Variants in NRXN1 observed in about 807,000 individuals in gnomAD.
NRXN1 encodes the protein neurexin-1.
A neutral mutation model predicts 150.9 loss-of-function variants in NRXN1; 39 were observed. That is an observed-to-expected ratio of 0.26 (90% CI 0.20 to 0.34). NRXN1 has a LOEUF of 0.34. Among genes scored for constraint, NRXN1 ranks in the 10% least tolerant of loss-of-function variants. NRXN1 has a pLI of 1.00. For synonymous variants in NRXN1, 924 were observed against 757.0 expected, an observed-to-expected ratio of 1.22 and a Z score of -3.62; for missense variants, 1,815 against 1,949.9, an observed-to-expected ratio of 0.93 and a Z score of 1.30.
Position 50,834,543 on chromosome 2 carries a change from T to A in NRXN1, c.832+87326A>T, listed in dbSNP as rs1470671386. ...TAAATGATCTGACCAGTTTCATGTA[T>A]CATAATGATTTTGAATTGAGATAAG... On this transcript the variant is annotated intron_variant, in intron 5 of 22. Transcript: ENST00000401669. Among the ~76,000 whole-genome samples the A allele has an allele frequency of 3.9e-5, 6 of 152,288 alleles. No individual in the cohort carries two copies. In the South Asian group the frequency reaches 1.2e-3, roughly 32 times the overall value.
chr2:50,746,401 T>C (rs562708267), intron 5 of NRXN1, among the ~76,000 whole-genome samples: 1 of 151,800 alleles, frequency 6.6e-6, no homozygotes, highest in South Asian at 2.1e-4. Flanking sequence ...CTACAAAAAA[T>C]TTTAAAAATT....
At chr2:50,395,104 C>T (rs2081975234) in intron 17 of NRXN1, among the ~76,000 whole-genome samples, 1 of 151,978 alleles carries the variant, frequency 6.6e-6, no homozygotes. Context: ...ATTATACTCA[C>T]ATCATATTAT....
At chr2:50,763,567 T>C (rs1334702634) in intron 5 of NRXN1, among the ~76,000 whole-genome samples, 1 of 151,956 alleles carries the variant, frequency 6.6e-6, no homozygotes, top group East Asian at 1.9e-4. Context: ...TTGAATTAAT[T>C]AGCTGAGAGC....
At chr2:50,388,472 A>G (rs1189916774) in intron 17 of NRXN1, among the ~76,000 whole-genome samples, 1 of 152,112 alleles carries the variant, frequency 6.6e-6, no homozygotes. Flanking sequence ...CTTGGAACAC[A>G]TACAAATGCT....
intron 17 of NRXN1, among the ~76,000 whole-genome samples, chr2:50,248,736 C>T (rs1470346014): frequency 6.6e-6 from 1 of 152,128 alleles, no homozygotes; most frequent in Non-Finnish European, 1.5e-5. Context: ...AGTCAGAATA[C>T]ATTTTTCCTG....
chr2:50,989,957 C>CA (rs1698300849), intron 2 of NRXN1, among the ~76,000 whole-genome samples: 2 of 151,932 alleles, frequency 1.3e-5, no homozygotes, highest in Non-Finnish European at 2.9e-5. Flanking sequence ...TTTTTAGTTG[C>CA]TTGCTCTACA....
At chr2:50,635,420 G>T (rs920562366) in intron 5 of NRXN1, among the ~76,000 whole-genome samples, 1 of 150,758 alleles carries the variant, frequency 6.6e-6, no homozygotes, top group Non-Finnish European at 1.5e-5. Flanking sequence ...TGATCTGCCC[G>T]CCTCGGCCTC....
Position 50,538,573 on chromosome 2 carries a change from T to C in NRXN1, c.1823A>G (p.Asp608Gly). 1 of 1,561,874 alleles carries C rather than the reference T, an allele frequency of 6.4e-7. No homozygotes were observed. The highest frequency in any genetic ancestry group is 8.7e-7 in the Non-Finnish European group (1 of 1,152,632). ...YTAPGESEIL[D>G]LDDELYLGGL... is the part of the protein sequence containing the mutation. ...CCCCAGGTACAACTCATCATCCAGG[T>C]CCAGAATCTCACTCTCACCAGGAGC... The change falls in exon 10 of 23, where the codon GAC (aspartate) becomes GGC (glycine). Residue 608 changes from aspartate to glycine, a missense_variant. Physicochemically the swap from Asp to Gly is moderately conservative, Grantham distance 94 (BLOSUM62 -1). This residue lies in a region of NRXN1 where 638 missense variants were observed against 652.6 expected (regional missense o/e 0.98). Coordinates refer to ENST00000401669, the MANE Select transcript of NRXN1 (RefSeq NM_001330078.2).
At chr2:50,454,654 T>G (rs2104559886) in intron 17 of NRXN1, among the ~76,000 whole-genome samples, 1 of 141,588 alleles carries the variant, frequency 7.1e-6, no homozygotes, top group East Asian at 2.2e-4. Context: ...GCTGTAGAAA[T>G]GGGCAAAGAT....
chr2:50,277,514 CCTTTTTCCTTCCTTCCT>C (rs2070713498), intron 17 of NRXN1, among the ~76,000 whole-genome samples: 9 of 87,980 alleles, frequency 1.0e-4, no homozygotes, highest in African/African-American at 3.5e-4. Flanking sequence ...TTCCTTCCTT[CCTTTTTCCTTCCTTCCT>C]TTCTCTTCTT....
chr2:50,053,482 T>C lies in NRXN1; in HGVS notation c.3917A>G (p.Lys1306Arg), dbSNP rs2152626746. The C allele has an allele frequency of 6.2e-7, 1 of 1,614,044 alleles. No individual in the cohort carries two copies. Among genetic ancestry groups the C allele is most frequent in the East Asian group, 2.2e-5 (1 of 44,880 alleles). The stretch of plus-strand genomic sequence containing the variant: ...GTTTTCGGCTGCCATATTCAGAACT[T>C]TCAAGCCATTGTAGTACAGCCCAGA... ...QLSGLYYNGL[K>R]VLNMAAENDA... Residue 1306 changes from lysine to arginine, a missense_variant, in exon 21 of 23, where the codon AAA (lysine) becomes AGA (arginine). Transcript: ENST00000401669.
chr2:51,023,517 C>G (rs1669949414), intron 2 of NRXN1, among the ~76,000 whole-genome samples: 1 of 152,150 alleles, frequency 6.6e-6, no homozygotes, highest in Non-Finnish European at 1.5e-5. Flanking sequence ...CTCACTTTTT[C>G]AGATTTCAGT....
At chr2:50,861,610 C>T (rs556948375) in intron 5 of NRXN1, among the ~76,000 whole-genome samples, 1 of 152,180 alleles carries the variant, frequency 6.6e-6, no homozygotes, top group South Asian at 2.1e-4. Flanking sequence ...AGTCCATGGT[C>T]CTGGTTCCCA....
intron 2 of NRXN1, among the ~76,000 whole-genome samples, chr2:51,024,634 A>G (rs1243476109): frequency 6.6e-6 from 1 of 152,200 alleles, no homozygotes; most frequent in African/African-American, 2.4e-5. Context: ...TCATAGGTGC[A>G]TAAGTTGTTT....
chr2:50,543,478 G>A lies in NRXN1; in HGVS notation c.1760-4842C>T, dbSNP rs57570695. Reference sequence around the variant, plus strand: ...ACTTTTATAATTTTAATGTAGAAACGACATTACATTATATTCTTACATGTA... The same window carrying A: ...ACTTTTATAATTTTAATGTAGAAACAACATTACATTATATTCTTACATGTA... On this transcript the variant is annotated intron_variant, in intron 9 of 22. Transcript: ENST00000401669. Among the ~76,000 whole-genome samples, 939 of 152,124 alleles carry A rather than the reference G, an allele frequency of 6.2e-3. 6 individuals carry two copies. The highest frequency in any genetic ancestry group is 0.022 in the African/African-American group (899 of 41,522).
rs912625064 is a variant in NRXN1 at position 50,299,422 on chromosome 2, TTTTA to T, written c.3365-62456_3365-62453del. The stretch of plus-strand genomic sequence containing the variant: ...TGGTCATTGTCCAATTTTTTTTTTT[TTTTA>T]AAACTGACTTCTAAATTTATTTTTT... On this transcript the variant is annotated intron_variant, in intron 17 of 22. Coordinates refer to ENST00000401669, the MANE Select transcript of NRXN1 (RefSeq NM_001330078.2). Among the ~76,000 whole-genome samples the T allele has an allele frequency of 8.9e-4, 123 of 138,802 alleles. 4 individuals are homozygous for T. The South Asian group carries it at 0.019, about 21-fold the overall frequency. The allele number at this position is 138,802 out of a possible 152,430, so 91.1% of individuals were successfully genotyped here. A position where few individuals can be genotyped will look rare whatever the true frequency, so the allele number is the denominator to read the frequency against.
chr2:50,157,640 CA>C (rs2059105854), intron 18 of NRXN1, among the ~76,000 whole-genome samples: 1 of 151,786 alleles, frequency 6.6e-6, no homozygotes, highest in African/African-American at 2.4e-5. Context: ...GAAGGTGAAG[CA>C]GGGGAAAGGC....
At chr2:50,388,560 A>G (rs1432308434) in intron 17 of NRXN1, among the ~76,000 whole-genome samples, 1 of 152,116 alleles carries the variant, frequency 6.6e-6, no homozygotes, top group Non-Finnish European at 1.5e-5. Flanking sequence ...TCTTCCGGAA[A>G]TGCTTCTCAG....
At chr2:50,896,403 A>C (rs1681961667) in intron 5 of NRXN1, among the ~76,000 whole-genome samples, 1 of 152,200 alleles carries the variant, frequency 6.6e-6, no homozygotes, top group Non-Finnish European at 1.5e-5. Flanking sequence ...TATACTCTGC[A>C]GAGACAAACA....
Sources: gnomAD v4.1 joint callset for allele counts (sites outside exome capture counted in the v4.1 genomes callset) on GRCh38, gnomAD v4.1.1 for gene constraint, gnomAD v4.1.1 regional missense constraint, MANE v1.5 for transcripts, NCBI Gene and HGNC (gene_info 2026-07-23, HGNC 2026-07-21) for gene names.